CSMD1: variants seen among roughly 807,000 people sequenced by gnomAD.
The protein encoded by CSMD1 is CUB and Sushi multiple domains 1.
Under a neutral mutation model 417.5 loss-of-function variants are expected in CSMD1, and 213 were observed. The observed-to-expected ratio is 0.51, with a 90% CI of 0.46 to 0.57. The LOEUF is 0.57. CSMD1 is among the 20% of genes least tolerant of loss of function. The pLI, the probability that CSMD1 is intolerant of heterozygous loss-of-function variation, is 0.00. For missense variants in CSMD1, 6,923 were observed against 4,529.7 expected, an observed-to-expected ratio of 1.53 and a Z score of -15.17; for synonymous variants, 2,862 against 1,736.8, an observed-to-expected ratio of 1.65 and a Z score of -16.11.
At chr8:4,218,646 A>C (rs1462857974) in intron 3 of CSMD1, among the ~76,000 whole-genome samples, 1 of 152,168 alleles carries the variant, frequency 6.6e-6, no homozygotes, top group Non-Finnish European at 1.5e-5. Flanking sequence ...CAGTGATTTC[A>C]GTATTAGTGG....
Position 4,577,574 on chromosome 8 carries a change from C to T in CSMD1, c.302+59768G>A, listed in dbSNP as rs928737911. Among the ~76,000 whole-genome samples, 8 of 152,180 alleles carry T rather than the reference C, an allele frequency of 5.3e-5. No individual in the cohort carries two copies. In the East Asian group the frequency reaches 5.8e-4, roughly 11 times the overall value. On this transcript the variant is annotated intron_variant, in intron 2 of 69. Transcript: ENST00000635120. ...CATCCTTCCTCCGGGTGTGAAATTGCTTTTCCCTCAGGCAGGATCCAGTAT... is the reference window on the plus strand; with the variant it reads ...CATCCTTCCTCCGGGTGTGAAATTGTTTTTCCCTCAGGCAGGATCCAGTAT...
intron 5 of CSMD1, among the ~76,000 whole-genome samples, chr8:3,949,381 C>T (rs754336956): frequency 1.7e-4 from 26 of 152,248 alleles, no homozygotes; most frequent in East Asian, 7.7e-4. Flanking sequence ...CTGGAAACAA[C>T]CACTTTACTT....
intron 1 of CSMD1, among the ~76,000 whole-genome samples, chr8:4,807,048 T>C (rs1798629759): frequency 6.6e-6 from 1 of 152,220 alleles, no homozygotes; most frequent in African/African-American, 2.4e-5. Context: ...TAGACTTATC[T>C]TGAAATAGAA....
intron 1 of CSMD1, among the ~76,000 whole-genome samples, chr8:4,960,180 A>G (rs561760711): frequency 3.3e-5 from 5 of 152,342 alleles, no homozygotes; most frequent in South Asian, 4.1e-4. Flanking sequence ...CAATATTTCT[A>G]AAGATCACTG....
chr8:3,165,634 A>G (rs929606753), intron 37 of CSMD1, among the ~76,000 whole-genome samples: 6 of 151,926 alleles, frequency 3.9e-5, no homozygotes, highest in South Asian at 2.1e-4. Flanking sequence ...GGGTTTCACC[A>G]TGTTAGCCAG....
At chr8:4,567,184 A>G (rs1798654043) in intron 2 of CSMD1, among the ~76,000 whole-genome samples, 1 of 152,216 alleles carries the variant, frequency 6.6e-6, no homozygotes, top group African/African-American at 2.4e-5. Flanking sequence ...TTATGGTAGC[A>G]TTTATTTGGT....
At chr8:4,332,727 T>C (rs959274821) in intron 3 of CSMD1, among the ~76,000 whole-genome samples, 1 of 152,006 alleles carries the variant, frequency 6.6e-6, no homozygotes, top group Non-Finnish European at 1.5e-5. Context: ...ACTTTTTCAG[T>C]GTGAGTTACC....
chr8:3,441,746 G>C (rs2166714), intron 12 of CSMD1, among the ~76,000 whole-genome samples: 2 of 151,824 alleles, frequency 1.3e-5, no homozygotes, highest in Non-Finnish European at 2.9e-5. Flanking sequence ...GTACACAGCA[G>C]GTAACACTTG....
At chr8:3,363,949 A>G (rs888762999) in intron 20 of CSMD1, among the ~76,000 whole-genome samples, 1 of 152,170 alleles carries the variant, frequency 6.6e-6, no homozygotes, top group Non-Finnish European at 1.5e-5. Flanking sequence ...CTACAATATT[A>G]CCGTTAACAT....
At chr8:3,592,877 C>T (rs1424064644) in intron 8 of CSMD1, among the ~76,000 whole-genome samples, 2 of 152,052 alleles carry the variant, frequency 1.3e-5, no homozygotes, top group Admixed American at 6.5e-5. Flanking sequence ...GGTTCTCCCA[C>T]TTCCTGCTTC....
At chr8:3,477,214 T>C (rs567976574) in intron 11 of CSMD1, among the ~76,000 whole-genome samples, 11 of 152,208 alleles carry the variant, frequency 7.2e-5, no homozygotes, top group African/African-American at 1.2e-4. Flanking sequence ...CAATATGAGA[T>C]GCCTGGATTT....
At chr8:3,776,254 T>C (rs1798881612) in intron 5 of CSMD1, among the ~76,000 whole-genome samples, 1 of 152,178 alleles carries the variant, frequency 6.6e-6, no homozygotes, top group Admixed American at 6.5e-5. Flanking sequence ...TCCCTGCTTC[T>C]ATCCTCCCTG....
chr8:3,203,112 C>T (rs1214121048), intron 31 of CSMD1, among the ~76,000 whole-genome samples: 1 of 152,176 alleles, frequency 6.6e-6, no homozygotes, highest in Non-Finnish European at 1.5e-5. Context: ...ATTTAGCTGA[C>T]ATCCACCTCA....
At position 2,986,334 on chromosome 8, in the gene CSMD1, G is replaced by A. The variant is rs545598418; in HGVS notation, c.8378-7534C>T. Reference sequence around the variant, plus strand: ...ACCACTTCCTTGATTCTTCATCTAAGAAAACTGCTGTTCTCCCAGGAAGTC... The same window carrying A: ...ACCACTTCCTTGATTCTTCATCTAAAAAAACTGCTGTTCTCCCAGGAAGTC... On this transcript the variant is annotated intron_variant, in intron 54 of 69. Coordinates refer to ENST00000635120, the MANE Select transcript of CSMD1 (RefSeq NM_033225.6). Among the ~76,000 whole-genome samples the A allele has an allele frequency of 9.2e-5, 14 of 152,172 alleles. No individual in the cohort carries two copies. In the South Asian group the frequency reaches 2.5e-3, roughly 27 times the overall value.
In CSMD1 at chr8:4,570,768, G is replaced by C. The variant is rs115672718; in HGVS notation, c.302+66574C>G. 2.1e-3 allele frequency among the ~76,000 whole-genome samples: 322 copies of C among 152,222 alleles called. 2 individuals are homozygous for C. Among genetic ancestry groups the C allele is most frequent in the African/African-American group, 7.0e-3 (289 of 41,530 alleles). On this transcript the variant is annotated intron_variant, in intron 2 of 69. Coordinates refer to ENST00000635120, the MANE Select transcript of CSMD1 (RefSeq NM_033225.6). ...GTAGAATTCGGCTGTGAATCTGTCT[G>C]TCCTGGGCTTTTATTGTTTGGTAGG...
chr8:3,083,237 C>T (rs1814242417), intron 49 of CSMD1, among the ~76,000 whole-genome samples: 3 of 151,924 alleles, frequency 2.0e-5, no homozygotes, highest in Admixed American at 2.0e-4. Context: ...CTTCAATTTT[C>T]TTAGAACTGA....
At chr8:3,912,299 T>A (rs1030034803) in intron 5 of CSMD1, among the ~76,000 whole-genome samples, 4 of 152,220 alleles carry the variant, frequency 2.6e-5, no homozygotes, top group African/African-American at 9.6e-5. Context: ...GAATATTTTA[T>A]ATTTTAGTGA....
intron 7 of CSMD1, among the ~76,000 whole-genome samples, chr8:3,631,756 G>T (rs1007178698): frequency 2.6e-5 from 4 of 152,172 alleles, no homozygotes; most frequent in Non-Finnish European, 5.9e-5. Flanking sequence ...TAAATAAAGC[G>T]CTCTCAAAGG....
intron 29 of CSMD1, among the ~76,000 whole-genome samples, chr8:3,215,102 C>T (rs1797809256): frequency 6.6e-6 from 1 of 152,162 alleles, no homozygotes; most frequent in African/African-American, 2.4e-5. Context: ...AACATAAAAT[C>T]ATTCCACACC....
Sources: allele counts gnomAD v4.1 joint callset (sites outside exome capture counted in the v4.1 genomes callset), GRCh38; gene constraint gnomAD v4.1.1; transcripts MANE v1.5; gene names NCBI Gene and HGNC (gene_info 2026-07-23, HGNC 2026-07-21).